EXOC1: variants seen among roughly 807,000 people sequenced by gnomAD.
The protein encoded by EXOC1 is SEC3-like 1.
Under a neutral mutation model 107.7 loss-of-function variants are expected in EXOC1, and 67 were observed. The observed-to-expected ratio is 0.62, with a 90% confidence interval of 0.51 to 0.76. The LOEUF (loss-of-function observed/expected upper bound fraction) is 0.76, where lower values mean the gene tolerates loss of function less well. Among genes scored for constraint, EXOC1 ranks in the 30% least tolerant of loss-of-function variants. The pLI is 0.00. For missense variants in EXOC1, 833 were observed against 1,055.7 expected (o/e 0.79, Z 2.92); for synonymous variants, 348 against 353.5 (o/e 0.98, Z 0.17).
chr4:55,902,183 C>T (rs1265205437), intron 17 of EXOC1, 161 bp from the exon 18 acceptor site: 6 of 449,896 alleles, frequency 1.3e-5, no homozygotes, highest in Non-Finnish European at 2.3e-5. Flanking sequence ...TAACAATGTT[C>T]ATCTCAGAAG....
intron 17 of EXOC1, among the ~76,000 whole-genome samples, chr4:55,901,086 A>C (rs1036257211): frequency 3.3e-5 from 5 of 152,196 alleles, no homozygotes; most frequent in African/African-American, 1.2e-4. Context: ...AATCAATTTA[A>C]AGCAGAAATA....
intron 10 of EXOC1, among the ~76,000 whole-genome samples, chr4:55,888,559 A>T (rs1724145917): frequency 6.6e-6 from 1 of 152,100 alleles, no homozygotes; most frequent in African/African-American, 2.4e-5. Context: ...CAAACTTGCA[A>T]ATTTAGTCTT....
intron 17 of EXOC1, among the ~76,000 whole-genome samples, chr4:55,901,018 A>G (rs1419731133): frequency 1.3e-5 from 2 of 152,250 alleles, no homozygotes; most frequent in Non-Finnish European, 1.5e-5. Context: ...TAAAAGATCT[A>G]TCTCAGGCCT....
intron 14 of EXOC1, 39 bp downstream of exon 14, chr4:55,892,750 A>C: frequency 6.2e-7 from 1 of 1,604,126 alleles, no homozygotes; most frequent in Non-Finnish European, 8.5e-7. Context: ...TTTGGAAAAA[A>C]TAAACTTTAA....
At chr4:55,856,535 T>C (rs1214453040) in intron 1 of EXOC1, among the ~76,000 whole-genome samples, 3 of 152,208 alleles carry the variant, frequency 2.0e-5, no homozygotes, top group Non-Finnish European at 2.9e-5. Flanking sequence ...TTTTACAAAA[T>C]AGTCATTGTG....
At chr4:55,857,759 T>C (rs1721133794) in intron 1 of EXOC1, among the ~76,000 whole-genome samples, 1 of 152,240 alleles carries the variant, frequency 6.6e-6, no homozygotes, top group Non-Finnish European at 1.5e-5. Context: ...ATGAGAGTTC[T>C]GTTTCCTCTC....
intron 17 of EXOC1, among the ~76,000 whole-genome samples, chr4:55,900,313 TTTA>T: frequency 6.6e-6 from 1 of 152,276 alleles, no homozygotes; most frequent in Admixed American, 6.5e-5. Context: ...CATTTCTTAC[TTTA>T]TAAATGACCA....
intron 1 of EXOC1, among the ~76,000 whole-genome samples, chr4:55,854,978 T>C (rs1036330123): frequency 3.3e-5 from 5 of 152,186 alleles, no homozygotes; most frequent in Non-Finnish European, 5.9e-5. Context: ...AGAGATCACT[T>C]TGGATTAAGA....
intron 8 of EXOC1, chr4:55,877,008 T>A (rs982683584): frequency 2.0e-6 from 2 of 985,216 alleles, no homozygotes; most frequent in Non-Finnish European, 2.4e-6. Flanking sequence ...CAGAAATGTT[T>A]CCTTCTGAAT....
chr4:55,904,548 A>G lies in EXOC1; in HGVS notation c.*53A>G, dbSNP rs996307207. Reference sequence around the variant, plus strand: ...AATGAAGCATTTGAGTATAACAGACACTATACCAAAATACCAAGCAACTGT... The same window carrying G: ...AATGAAGCATTTGAGTATAACAGACGCTATACCAAAATACCAAGCAACTGT... On this transcript the variant is annotated 3_prime_UTR_variant, in exon 19 of 19. Transcript: ENST00000381295. 1.5e-5 allele frequency: 22 copies of G among 1,501,882 alleles called. No homozygotes were observed. The highest frequency in any genetic ancestry group is 4.2e-5 in the African/African-American group (3 of 70,718). The allele number at this position is 1,501,882 out of a possible 1,614,324, so 93.0% of individuals were successfully genotyped here.
intron 8 of EXOC1, among the ~76,000 whole-genome samples, chr4:55,874,609 G>C (rs140830030): frequency 2.0e-5 from 3 of 152,050 alleles, no homozygotes; most frequent in African/African-American, 7.2e-5. Flanking sequence ...TAATACTTCT[G>C]TGTTATCTAT....
chr4:55,855,982 G>A (rs1319646389), intron 1 of EXOC1, among the ~76,000 whole-genome samples: 1 of 152,218 alleles, frequency 6.6e-6, no homozygotes, highest in African/African-American at 2.4e-5. Flanking sequence ...CCTCTGCAAG[G>A]TAGATTGTTA....
At chr4:55,894,518 AATTGT>A (rs1397381708) in intron 15 of EXOC1, among the ~76,000 whole-genome samples, 1 of 151,446 alleles carries the variant, frequency 6.6e-6, no homozygotes, top group African/African-American at 2.4e-5. Flanking sequence ...TAGCTTTAAT[AATTGT>A]ATTTTATTTT....
At position 55,899,884 on chromosome 4, in the gene EXOC1, T is replaced by C. The variant is rs139881751; in HGVS notation, c.2337T>C (p.Asn779=). 6,588 of 1,600,556 alleles carry C rather than the reference T, an allele frequency of 4.1e-3. 402 individuals carry two copies. The Admixed American group carries it at 0.11, about 26-fold the overall frequency. Reference sequence around the variant, plus strand: ...TAGGACAACCTCTTGAAAAACTAAATGTAAATATATTTTCATTCAGTATTT... The same window carrying C: ...TAGGACAACCTCTTGAAAAACTAAACGTAAATATATTTTCATTCAGTATTT... The part of the protein sequence containing the change: ...YSLGQPLEKL[N]HFFEGVEARV... The change falls in exon 17 of 19, where the codon AAT becomes AAC. Residue 779 remains asparagine, a splice_region_variant and synonymous_variant. Transcript: ENST00000381295.
At position 55,883,809 on chromosome 4, in the gene EXOC1, AC is replaced by A; in HGVS notation, c.1225-13del. ...GTTTTATTAATAAGAAGTACATGTT[AC>A]TTTTATTTTAAGAATTACATGGATT... On this transcript the variant is annotated splice_polypyrimidine_tract_variant and intron_variant, in intron 9 of 18. Coordinates refer to ENST00000381295, the MANE Select transcript of EXOC1 (RefSeq NM_001024924.2). The A allele has an allele frequency of 6.7e-7, 1 of 1,481,498 alleles. No homozygotes were observed. The highest frequency in any genetic ancestry group is 1.9e-4 in the Middle Eastern group (1 of 5,320). The allele number at this position is 1,481,498 out of a possible 1,614,324, so 91.8% of individuals were successfully genotyped here.
intron 8 of EXOC1, chr4:55,877,337 A>G (rs922646898): frequency 1.5e-5 from 15 of 985,238 alleles, no homozygotes; most frequent in Non-Finnish European, 2.4e-6. Flanking sequence ...CATCAAATAA[A>G]TCTGTCTTGG....
intron 14 of EXOC1, 117 bp downstream of exon 14, chr4:55,892,828 G>A: frequency 1.2e-6 from 1 of 866,380 alleles, no homozygotes; most frequent in Admixed American, 2.1e-5. Flanking sequence ...CACAGTACCA[G>A]CATGTGTGTC....
chr4:55,891,931 T>C (rs748491846), intron 13 of EXOC1, among the ~76,000 whole-genome samples: 1 of 152,172 alleles, frequency 6.6e-6, no homozygotes, highest in Non-Finnish European at 1.5e-5. Flanking sequence ...TTCTGTAAAG[T>C]AGATATCATA....
chr4:55,889,024 A>C, intron 11 of EXOC1, 92 bp downstream of exon 11: 1 of 1,335,984 alleles, frequency 7.5e-7, no homozygotes, highest in Non-Finnish European at 1.1e-6. Flanking sequence ...AACACCAAAA[A>C]TTTTGATTGC....
Sources: gnomAD v4.1 joint callset for allele counts (sites outside exome capture counted in the v4.1 genomes callset) on GRCh38, gnomAD v4.1.1 for gene constraint, MANE v1.5 for transcripts, NCBI Gene and HGNC (gene_info 2026-07-23, HGNC 2026-07-21) for gene names.